ITPA: variants seen among roughly 807,000 people sequenced by gnomAD.
ITPA encodes inosine triphosphate pyrophosphatase.
In ITPA, 29 loss-of-function variants were observed where a neutral mutation model predicts 29.6. That is an observed-to-expected ratio of 0.98 (90% confidence interval 0.73 to 1.34). The LOEUF (loss-of-function observed/expected upper bound fraction) is 1.34. Among genes scored for constraint, ITPA ranks in the 40% most tolerant of loss-of-function variants. ITPA has a pLI of 0.00. For missense variants in ITPA, 241 were observed against 251.5 expected, an observed-to-expected ratio of 0.96 and a Z score of 0.28; for synonymous variants, 103 against 99.3, an observed-to-expected ratio of 1.04 and a Z score of -0.22.
rs6139035 is a variant in ITPA at position 3,221,483 on chromosome 20, T to C, written c.412-358T>C. 0.25 allele frequency among the ~76,000 whole-genome samples: 38,091 copies of C among 152,082 alleles called. 5,765 individuals carry two copies. Among genetic ancestry groups the C allele is most frequent in the South Asian group, 0.5 (2,424 of 4,820 alleles). On this transcript the variant is annotated intron_variant, in intron 6 of 7. Coordinates refer to ENST00000380113, the MANE Select transcript of ITPA (RefSeq NM_033453.4). ...GAGTTCAGGGTACTTAGCTTCCTAT[T>C]AGGAGAAAACGTTTTCTGTCTATCT...
upstream of ITPA, among the ~76,000 whole-genome samples, chr20:3,206,387 CAA>C (rs143721062): frequency 6.8e-3 from 229 of 33,602 alleles, no homozygotes; most frequent in African/African-American, 0.022. Context: ...GACTCAGTCT[CAA>C]AAAAAAAAAA....
intron 6 of ITPA, among the ~76,000 whole-genome samples, chr20:3,219,731 G>C (rs2067411134): frequency 7.2e-6 from 1 of 138,814 alleles, no homozygotes; most frequent in Non-Finnish European, 1.6e-5. Context: ...GGCAACAAGA[G>C]TGAGACTCCG....
chr20:3,204,425 C>T (rs1184573047), upstream of ITPA: 36 of 1,106,624 alleles, frequency 3.3e-5, no homozygotes, highest in Admixed American at 7.2e-5. Context: ...GACGCGCATG[C>T]GTCCCGCCCG....
At chr20:3,218,096 T>A (rs1463728387) in intron 5 of ITPA, among the ~76,000 whole-genome samples, 1 of 152,010 alleles carries the variant, frequency 6.6e-6, no homozygotes, top group African/African-American at 2.4e-5. Flanking sequence ...TTTTTTGTAT[T>A]TTTAGTAGAG....
intron 1 of ITPA, 84 bp from the exon 2 acceptor site, chr20:3,213,085 C>T (rs773283046): frequency 8.8e-6 from 12 of 1,361,506 alleles, no homozygotes; most frequent in Non-Finnish European, 1.2e-5. Context: ...GCAGAGTTAT[C>T]GATGAGAAAG....
At chr20:3,213,131 C>G (rs1247741059) in intron 1 of ITPA, 38 bp from the exon 2 acceptor site, 1 of 1,588,232 alleles carries the variant, frequency 6.3e-7, no homozygotes, top group Non-Finnish European at 8.6e-7. Flanking sequence ...TGGAGAATCA[C>G]TAGATGGTGA....
At chr20:3,204,944 A>G (rs1211059988), upstream of ITPA, among the ~76,000 whole-genome samples, 1 of 151,626 alleles carries the variant, frequency 6.6e-6, no homozygotes, top group Non-Finnish European at 1.5e-5. Flanking sequence ...TCCACCTCCC[A>G]GGTTCAAGCG....
At chr20:3,214,357 TC>T (rs2067243569) in intron 4 of ITPA, among the ~76,000 whole-genome samples, 1 of 128,626 alleles carries the variant, frequency 7.8e-6, no homozygotes, top group Admixed American at 9.5e-5. Flanking sequence ...ATTTCTTTCT[TC>T]CTTTCTTTTT....
intron 7 of ITPA, among the ~76,000 whole-genome samples, chr20:3,222,655 A>C (rs2067495674): frequency 6.6e-6 from 1 of 152,146 alleles, no homozygotes; most frequent in African/African-American, 2.4e-5. Context: ...CCTTGTTCAC[A>C]CAAGGCACGG....
Position 3,221,909 on chromosome 20 carries a change from T to C in ITPA, c.480T>C (p.Tyr160=). 1 of 1,613,910 alleles carries C rather than the reference T, an allele frequency of 6.2e-7. No individual in the cohort carries two copies. The highest frequency in any genetic ancestry group is 1.1e-5 in the South Asian group (1 of 91,084). Residue 160 remains tyrosine, a synonymous_variant, in exon 7 of 8, where the codon TAT becomes TAC. Coordinates refer to ENST00000380113, the MANE Select transcript of ITPA (RefSeq NM_033453.4). Reference sequence around the variant, plus strand: ...ACCCCTGCTTTCAGCCTGATGGATATGAGCAGACGTAAGGAGCCCTGCTTT... The same window carrying C: ...ACCCCTGCTTTCAGCCTGATGGATACGAGCAGACGTAAGGAGCCCTGCTTT... ...GWDPCFQPDG[Y]EQTYAEMPKA...
chr20:3,212,846 T>C (rs578217308), intron 1 of ITPA, among the ~76,000 whole-genome samples: 2 of 152,272 alleles, frequency 1.3e-5, no homozygotes, highest in South Asian at 4.1e-4. Flanking sequence ...GCCTTCTGAA[T>C]TCTGGGTATC....
chr20:3,222,792 G>T (rs2067498994), intron 7 of ITPA, among the ~76,000 whole-genome samples: 1 of 152,240 alleles, frequency 6.6e-6, no homozygotes, highest in African/African-American at 2.4e-5. Context: ...GGGCTGTGGA[G>T]CACTTGCGTG....
At chr20:3,217,680 G>C (rs578246371) in intron 5 of ITPA, among the ~76,000 whole-genome samples, 355 of 152,080 alleles carry the variant, frequency 2.3e-3, no homozygotes, top group Non-Finnish European at 4.2e-3. Flanking sequence ...TGTTGCTGGG[G>C]CTGATATCAA....
At chr20:3,206,387 C>CAA (rs143721062), upstream of ITPA, among the ~76,000 whole-genome samples, 513 of 32,608 alleles carry the variant, frequency 0.016, 21 homozygotes, top group African/African-American at 0.026. Flanking sequence ...GACTCAGTCT[C>CAA]AAAAAAAAAA....
At chr20:3,210,064 C>G (rs1419257544) in intron 1 of ITPA, among the ~76,000 whole-genome samples, 1 of 152,174 alleles carries the variant, frequency 6.6e-6, no homozygotes, top group Non-Finnish European at 1.5e-5. Context: ...TCACCACCGT[C>G]CTGAAATGTT....
Position 3,218,666 on chromosome 20 carries a change from C to T in ITPA, c.411+34C>T. ...CCACCTTGATGCAGTTCCCGCCGCG[C>T]GCCGCCAGGGGGTGCCGCGACCCGA... On this transcript the variant is annotated intron_variant, in intron 6 of 7. Coordinates refer to ENST00000380113, the MANE Select transcript of ITPA (RefSeq NM_033453.4). The T allele has an allele frequency of 2.6e-6, 4 of 1,548,506 alleles. No individual in the cohort carries two copies. In the East Asian group the frequency reaches 6.8e-5, roughly 26 times the overall value.
In ITPA at chr20:3,213,391, C is replaced by T; in HGVS notation, c.189+8C>T. ...CAGGAGGCAGTTCGCCAGGTGCTTG[C>T]CCTGCCCTTGTCCCACACTTGCTCT... On this transcript the variant is annotated splice_region_variant and intron_variant, in intron 3 of 7. Transcript: ENST00000380113. The T allele has an allele frequency of 6.2e-7, 1 of 1,613,678 alleles. No individual in the cohort carries two copies. The highest frequency in any genetic ancestry group is 8.5e-7 in the Non-Finnish European group (1 of 1,180,010).
intron 4 of ITPA, 197 bp from the exon 5 acceptor site, chr20:3,215,084 C>T (rs1283993044): frequency 1.7e-6 from 1 of 599,350 alleles, no homozygotes; most frequent in African/African-American, 1.9e-5. Flanking sequence ...CCAAGCTTTT[C>T]TCAAACTCCT....
rs186841933 is a variant in ITPA, at chr20:3,216,193, T to C, written c.295+881T>C. ...TTTTTTTTTTGAGACAAAGTCTTGC[T>C]CTGTCGCCCAGGCTGGAGTGCAGTG... On this transcript the variant is annotated intron_variant, in intron 5 of 7. Coordinates refer to ENST00000380113, the MANE Select transcript of ITPA (RefSeq NM_033453.4). 3.0e-5 allele frequency among the ~76,000 whole-genome samples: 4 copies of C among 132,806 alleles called. No individual in the cohort carries two copies. In the East Asian group the frequency reaches 6.8e-4, roughly 23 times the overall value. 87.1% of individuals were successfully genotyped at this position (132,806 alleles called of 152,430 possible). A position where few individuals can be genotyped will look rare whatever the true frequency, so the allele number is the denominator to read the frequency against.
Sources: gnomAD v4.1 joint callset for allele counts (sites outside exome capture counted in the v4.1 genomes callset) on GRCh38, gnomAD v4.1.1 for gene constraint, MANE v1.5 for transcripts, NCBI Gene and HGNC (gene_info 2026-07-23, HGNC 2026-07-21) for gene names.